The following FGF13 variants were observed in gnomAD, a reference collection of about 807,000 sequenced individuals.
FGF13 encodes the protein fibroblast growth factor 13, also known as fibroblast growth factor homologous factor 2.
FGF13 carries 2 observed loss-of-function variants against 19.5 expected under a neutral mutation model. The ratio of observed to expected loss-of-function variants is 0.10; its 90% CI spans 0.04 to 0.32. The LOEUF is 0.32. Ranked by LOEUF, FGF13 falls within the 10% of genes least tolerant of loss-of-function variation. The probability of loss-of-function intolerance (pLI) is 1.00; values close to 1 mark genes in which losing one functional copy is unlikely to be tolerated. For missense variants in FGF13, 113 were observed against 192.7 expected (o/e 0.59, Z 2.45); for synonymous variants, 72 against 76.9 (o/e 0.94, Z 0.33).
intron 1 of FGF13, among the ~76,000 whole-genome samples, chrX:139,064,274 T>TATAAAATACAACACTGTGGG (rs1380176662): frequency 1.2e-5 from 1 of 82,367 alleles, no homozygotes; most frequent in Non-Finnish European, 2.2e-5. Flanking sequence ...CAGAGTTCTT[T>TATAAAATACAACACTGTGGG]TTTTTTCTTT....
intron 1 of FGF13, among the ~76,000 whole-genome samples, chrX:138,931,625 G>A (rs619373): frequency 0.051 from 5,699 of 111,375 alleles, 155 homozygotes; most frequent in Non-Finnish European, 0.078. Flanking sequence ...ATTGCTCCAG[G>A]CCTCCAACAT....
intron 1 of FGF13, among the ~76,000 whole-genome samples, chrX:138,723,561 C>T (rs764976831): frequency 7.2e-5 from 8 of 111,080 alleles, no homozygotes; most frequent in Non-Finnish European, 1.3e-4. Flanking sequence ...CACCGGTTGG[C>T]GATGCGTGGA....
intron 3 of FGF13, among the ~76,000 whole-genome samples, chrX:138,653,805 G>A (rs1327594624): frequency 9.0e-6 from 1 of 111,618 alleles, no homozygotes; most frequent in African/African-American, 3.3e-5. Flanking sequence ...CCCTTTAGTC[G>A]CTCCTTTCAT....
At chrX:139,134,330 C>T (rs1398941773) in intron 1 of FGF13, among the ~76,000 whole-genome samples, 1 of 112,059 alleles carries the variant, frequency 8.9e-6, no homozygotes, top group East Asian at 2.8e-4. Flanking sequence ...AAATCCCCTT[C>T]ATCTGCCATT....
intron 1 of FGF13, among the ~76,000 whole-genome samples, chrX:138,892,288 T>C (rs970585010): frequency 2.7e-5 from 3 of 111,495 alleles, no homozygotes; most frequent in Admixed American, 1.9e-4. Context: ...CCTTATAAAA[T>C]GGGCAAATGG....
intron 3 of FGF13, among the ~76,000 whole-genome samples, chrX:138,639,834 C>CA (rs372250488): frequency 9.3e-5 from 10 of 107,704 alleles, no homozygotes; most frequent in East Asian, 5.9e-4. Flanking sequence ...ACCAAAAATA[C>CA]AAAAAAAAAT....
chrX:138,875,619 G>A (rs1379649767), intron 1 of FGF13, among the ~76,000 whole-genome samples: 1 of 111,749 alleles, frequency 8.9e-6, no homozygotes, highest in African/African-American at 3.3e-5. Context: ...GGTAGACTGA[G>A]TAAAGCAGAT....
At chrX:139,138,926 CTTTTTTTTTTT>C (rs758384021) in intron 1 of FGF13, among the ~76,000 whole-genome samples, 1 of 85,554 alleles carries the variant, frequency 1.2e-5, no homozygotes, top group Non-Finnish European at 2.3e-5. Flanking sequence ...TGTTATTTAT[CTTTTTTTTTTT>C]TTTTTTTTTG....
At chrX:138,932,508 C>A (rs984848306) in intron 1 of FGF13, among the ~76,000 whole-genome samples, 1 of 100,646 alleles carries the variant, frequency 9.9e-6, no homozygotes, top group Non-Finnish European at 2.0e-5. Flanking sequence ...GAACCCGGCG[C>A]GGGAGGGCGG....
chrX:138,664,146 A>G (rs949786777), intron 3 of FGF13, among the ~76,000 whole-genome samples: 13 of 111,739 alleles, frequency 1.2e-4, no homozygotes, highest in African/African-American at 4.2e-4. Flanking sequence ...TTTTGGCTCA[A>G]TGGTACAATC....
At chrX:138,815,229 G>T (rs2090953376) in intron 3 of FGF13, among the ~76,000 whole-genome samples, 1 of 110,513 alleles carries the variant, frequency 9.0e-6, no homozygotes, top group Non-Finnish European at 1.9e-5. Flanking sequence ...GTTTGGATTA[G>T]ATAGGAGAAA....
intron 3 of FGF13, among the ~76,000 whole-genome samples, chrX:138,841,529 T>TAC (rs1390881566): frequency 9.1e-6 from 1 of 110,042 alleles, no homozygotes; most frequent in African/African-American, 3.3e-5. Context: ...TTTTTTTATT[T>TAC]ATATATATAT....
At chrX:138,979,266 T>C (rs2091953624) in intron 1 of FGF13, among the ~76,000 whole-genome samples, 1 of 111,976 alleles carries the variant, frequency 8.9e-6, no homozygotes, top group African/African-American at 3.2e-5. Flanking sequence ...AGTTGGGAAA[T>C]GAAAATACCT....
chrX:138,941,516 C>T (rs1290004932), intron 1 of FGF13, among the ~76,000 whole-genome samples: 1 of 111,675 alleles, frequency 9.0e-6, no homozygotes, highest in African/African-American at 3.3e-5. Context: ...AGATTTCTAC[C>T]AGAATTACAA....
chrX:138,968,096 C>T (rs2091902051), intron 1 of FGF13, among the ~76,000 whole-genome samples: 2 of 111,609 alleles, frequency 1.8e-5, no homozygotes, highest in African/African-American at 6.5e-5. Context: ...CCCTCAGGAA[C>T]ATGATTAAAA....
At chrX:138,984,103 GT>G (rs1166375848) in intron 1 of FGF13, among the ~76,000 whole-genome samples, 1 of 111,455 alleles carries the variant, frequency 9.0e-6, no homozygotes. Flanking sequence ...GTTTTGCTTT[GT>G]TTTTTAAGAA....
chrX:138,953,396 G>A (rs2091824479), intron 1 of FGF13, among the ~76,000 whole-genome samples: 1 of 110,009 alleles, frequency 9.1e-6, no homozygotes, highest in African/African-American at 3.3e-5. Context: ...CTTGGACACA[G>A]GGCAGGGAAC....
chrX:139,137,153 G>A lies in FGF13; in HGVS notation c.-113+66263C>T, dbSNP rs890929243. The stretch of plus-strand genomic sequence containing the variant: ...AACAGACAGAAACAAGCTCAGAGAG[G>A]CTAAACAACATGCCCAGAATCACAG... On this transcript the variant is annotated intron_variant, in intron 1 of 2. Coordinates refer to the FGF13 transcript ENST00000421460. Among the ~76,000 whole-genome samples the A allele has an allele frequency of 2.7e-5, 3 of 112,009 alleles. No homozygotes were observed. In the East Asian group the frequency reaches 8.4e-4, roughly 31 times the overall value.
intron 1 of FGF13, among the ~76,000 whole-genome samples, chrX:138,717,313 T>C (rs2090114652): frequency 8.9e-6 from 1 of 112,162 alleles, no homozygotes; most frequent in Non-Finnish European, 1.9e-5. Flanking sequence ...ATTTAAGTTT[T>C]GTACAAGGAA....
Sources: allele counts gnomAD v4.1 joint callset (sites outside exome capture counted in the v4.1 genomes callset), GRCh38; gene constraint gnomAD v4.1.1; transcripts MANE v1.5; gene names NCBI Gene and HGNC (gene_info 2026-07-23, HGNC 2026-07-21).